The following ZDHHC14 variants were observed in gnomAD, a reference collection of about 807,000 sequenced individuals.
ZDHHC14 encodes palmitoyltransferase ZDHHC14.
Under a neutral mutation model 47.7 loss-of-function variants are expected in ZDHHC14, and 16 were observed. The observed-to-expected ratio is 0.34, with a 90% CI of 0.23 to 0.51. The LOEUF (loss-of-function observed/expected upper bound fraction) is 0.51. Among genes scored for constraint, ZDHHC14 ranks in the 20% least tolerant of loss-of-function variants. ZDHHC14 has a pLI of 0.97. For missense variants in ZDHHC14, 515 were observed against 662.5 expected (o/e 0.78, Z 2.44); for synonymous variants, 293 against 278.9 (o/e 1.05, Z -0.50).
At chr6:157,498,392 G>T (rs1250950672) in intron 1 of ZDHHC14, among the ~76,000 whole-genome samples, 1 of 152,062 alleles carries the variant, frequency 6.6e-6, no homozygotes, top group Non-Finnish European at 1.5e-5. Flanking sequence ...TGTCCAGGAA[G>T]AATGAATAGG....
At chr6:157,580,712 T>TTGTGTGTGTG (rs35713410) in intron 2 of ZDHHC14, among the ~76,000 whole-genome samples, 23 of 148,684 alleles carry the variant, frequency 1.5e-4, no homozygotes, top group Non-Finnish European at 2.8e-4. Flanking sequence ...TTTTTGTGTT[T>TTGTGTGTGTG]TGTGTGTGTG....
intron 1 of ZDHHC14, among the ~76,000 whole-genome samples, chr6:157,454,351 TC>T (rs936960475): frequency 6.6e-6 from 1 of 152,182 alleles, no homozygotes; most frequent in Non-Finnish European, 1.5e-5. Context: ...AAGGAGTAAT[TC>T]CCTGTTATCT....
intron 1 of ZDHHC14, among the ~76,000 whole-genome samples, chr6:157,462,036 G>T (rs1779100580): frequency 6.6e-6 from 1 of 152,182 alleles, no homozygotes; most frequent in Admixed American, 6.5e-5. Flanking sequence ...ACCAGAGGGG[G>T]CTCTGCAGGG....
At position 157,582,516 on chromosome 6, in the gene ZDHHC14, C is replaced by T. The variant is rs1783552851; in HGVS notation, c.407-10472C>T. ...GCTTAGTTTGGCCGGATATGAAATT[C>T]TTGGTTGGAAATTCTTTTCTTTAAG... On this transcript the variant is annotated intron_variant, in intron 2 of 8. Transcript: ENST00000359775. This position sits in a 1 kb window ranked among gnomAD's most constrained non-coding sequence, Gnocchi z 4.3. Among the ~76,000 whole-genome samples, 2 of 151,818 alleles carry T rather than the reference C, an allele frequency of 1.3e-5. No homozygotes were observed. The highest frequency in any genetic ancestry group is 2.9e-5 in the Non-Finnish European group (2 of 68,030).
chr6:157,464,811 C>G (rs757114357), intron 1 of ZDHHC14, among the ~76,000 whole-genome samples: 3 of 152,340 alleles, frequency 2.0e-5, no homozygotes, highest in Non-Finnish European at 2.9e-5. Flanking sequence ...CTGCCTGATC[C>G]TGGCTGCCAG....
Position 157,458,849 on chromosome 6 carries a change from A to ATTTTT in ZDHHC14, c.245+76601_245+76605dup, listed in dbSNP as rs750975822. The stretch of plus-strand genomic sequence containing the variant: ...TACAGGTACTAGCAAATGTGGGTGG[A>ATTTTT]TTTTTTTTTTTTTTTTTTTTTTGAG... On this transcript the variant is annotated intron_variant, in intron 1 of 8. Transcript: ENST00000359775. 3.3e-3 allele frequency among the ~76,000 whole-genome samples: 266 copies of ATTTTT among 81,192 alleles called. 32 individuals are homozygous for ATTTTT. The highest frequency in any genetic ancestry group is 0.011 in the African/African-American group (238 of 21,790). 53.3% of individuals were successfully genotyped at this position (81,192 alleles called of 152,430 possible).
intron 1 of ZDHHC14, among the ~76,000 whole-genome samples, chr6:157,407,634 AG>A (rs1777790603): frequency 1.3e-5 from 2 of 152,234 alleles, no homozygotes; most frequent in South Asian, 2.1e-4. Context: ...AATTAAAAAA[AG>A]GTGGTCTCTT....
intron 1 of ZDHHC14, among the ~76,000 whole-genome samples, chr6:157,540,020 C>T (rs573373663): frequency 2.1e-4 from 32 of 152,290 alleles, no homozygotes; most frequent in Non-Finnish European, 3.4e-4. Flanking sequence ...AGAGGCATTT[C>T]GGATCCATAC....
At chr6:157,410,194 C>A (rs1009323160) in intron 1 of ZDHHC14, among the ~76,000 whole-genome samples, 5 of 152,170 alleles carry the variant, frequency 3.3e-5, no homozygotes, top group African/African-American at 1.2e-4. Context: ...TGTCTGTGGC[C>A]AGGAGCCTGC....
At chr6:157,552,412 G>A (rs1351287160) in intron 2 of ZDHHC14, among the ~76,000 whole-genome samples, 1 of 152,086 alleles carries the variant, frequency 6.6e-6, no homozygotes, top group African/African-American at 2.4e-5. Context: ...GGCGTGAGGA[G>A]GAGGGGAGGC....
At chr6:157,663,777 G>A (rs1562536872) in intron 8 of ZDHHC14, among the ~76,000 whole-genome samples, 1 of 152,088 alleles carries the variant, frequency 6.6e-6, no homozygotes, top group African/African-American at 2.4e-5. Context: ...ACACCGACAC[G>A]GGGCTCACCA....
intron 2 of ZDHHC14, among the ~76,000 whole-genome samples, chr6:157,572,511 T>C (rs1272828522): frequency 2.0e-5 from 3 of 152,130 alleles, no homozygotes; most frequent in Admixed American, 6.5e-5. Flanking sequence ...ATTATTATTA[T>C]ACTTTAAGTT....
intron 1 of ZDHHC14, among the ~76,000 whole-genome samples, chr6:157,424,864 G>A (rs932682733): frequency 1.3e-5 from 2 of 151,834 alleles, no homozygotes; most frequent in Non-Finnish European, 2.9e-5. Context: ...AGGCCCCAGA[G>A]TCAGCTGGGC....
intron 1 of ZDHHC14, among the ~76,000 whole-genome samples, chr6:157,416,834 T>A: frequency 7.1e-6 from 1 of 141,684 alleles, no homozygotes; most frequent in African/African-American, 2.5e-5. Context: ...GAGACAAAAG[T>A]CTCGAACTGT....
intron 3 of ZDHHC14, among the ~76,000 whole-genome samples, chr6:157,602,481 C>T (rs143104612): frequency 7.3e-6 from 1 of 136,506 alleles, no homozygotes; most frequent in African/African-American, 2.8e-5. Flanking sequence ...CAGAGCAAGA[C>T]TCCGTTTCAA....
intron 4 of ZDHHC14, among the ~76,000 whole-genome samples, chr6:157,628,919 TCTC>T (rs1332399893): frequency 6.6e-6 from 1 of 152,180 alleles, no homozygotes; most frequent in African/African-American, 2.4e-5. Context: ...AATGTGATAA[TCTC>T]CTTATGTAAG....
In ZDHHC14 at chr6:157,551,555, G is replaced by C. The variant is rs142644391; in HGVS notation, c.406+8810G>C. ...TCGCCTGGGAGTTATTAGAAATGCA[G>C]ACTCTTGGGCCCTGACTCACCTGGT... On this transcript the variant is annotated intron_variant, in intron 2 of 8. Transcript: ENST00000359775. Among the ~76,000 whole-genome samples, 37 of 152,312 alleles carry C rather than the reference G, an allele frequency of 2.4e-4. 1 individual carries two copies. In the East Asian group the frequency reaches 6.9e-3, roughly 29 times the overall value.
chr6:157,631,622 G>A (rs1470256598), intron 4 of ZDHHC14: 1 of 152,250 alleles, frequency 6.6e-6, no homozygotes, highest in East Asian at 1.9e-4. Context: ...AGACAGGGAG[G>A]GGCGGGAGAG....
At chr6:157,522,136 C>T (rs944552166) in intron 1 of ZDHHC14, among the ~76,000 whole-genome samples, 7 of 152,078 alleles carry the variant, frequency 4.6e-5, no homozygotes, top group African/African-American at 1.5e-4. Flanking sequence ...TGCTGAATGA[C>T]GTCCTTCAAT....
Sources: allele counts gnomAD v4.1 joint callset (sites outside exome capture counted in the v4.1 genomes callset), GRCh38; gene constraint gnomAD v4.1.1; non-coding constraint Gnocchi (gnomAD v3.1); transcripts MANE v1.5; gene names NCBI Gene and HGNC (gene_info 2026-07-23, HGNC 2026-07-21).